Variants in ROR1 observed in about 807,000 individuals in gnomAD.
ROR1 encodes the protein ROR family WNT receptor 1.
In ROR1, 19 loss-of-function variants were observed where a neutral mutation model predicts 78.8. The observed-to-expected ratio is 0.24, with a 90% CI of 0.17 to 0.35. The LOEUF (loss-of-function observed/expected upper bound fraction) is 0.35. ROR1 is among the 10% of genes least tolerant of loss of function. The pLI, the probability that ROR1 is intolerant of heterozygous loss-of-function variation, is 1.00. For synonymous variants in ROR1, 386 were observed against 433.6 expected (o/e 0.89, Z 1.36); for missense variants, 917 against 1,177.8 (o/e 0.78, Z 3.24).
intron 1 of ROR1, among the ~76,000 whole-genome samples, chr1:63,889,836 A>G (rs1400394467): frequency 6.6e-6 from 1 of 152,136 alleles, no homozygotes; most frequent in Non-Finnish European, 1.5e-5. Flanking sequence ...TGAAGGGAAG[A>G]TTTTGTTTTT....
At chr1:63,866,044 G>A (rs1464619031) in intron 1 of ROR1, among the ~76,000 whole-genome samples, 1 of 152,142 alleles carries the variant, frequency 6.6e-6, no homozygotes, top group African/African-American at 2.4e-5. Flanking sequence ...CCTTGAATAA[G>A]GAGTAGAGAG....
chr1:63,789,914 A>C (rs902358354), intron 1 of ROR1, among the ~76,000 whole-genome samples: 1 of 152,030 alleles, frequency 6.6e-6, no homozygotes, highest in African/African-American at 2.4e-5. Flanking sequence ...AGGCCCTCCC[A>C]AGCTGTCTAC....
At chr1:63,779,822 C>A (rs993548343) in intron 1 of ROR1, among the ~76,000 whole-genome samples, 3 of 152,168 alleles carry the variant, frequency 2.0e-5, no homozygotes, top group Admixed American at 2.0e-4. Flanking sequence ...TGCCCCCAGC[C>A]ACACCCCCCA....
Position 63,989,277 on chromosome 1 carries a change from C to T in ROR1, c.92-20028C>T, listed in dbSNP as rs112574394. ...GGAATTTGAACAAATTATTTATTCT[C>T]TCTGAGCCTGAGGGGTTTTTTTGGA... On this transcript the variant is annotated intron_variant, in intron 1 of 8. Transcript: ENST00000371079. 7.6e-3 allele frequency among the ~76,000 whole-genome samples: 1,140 copies of T among 150,442 alleles called. 13 individuals carry two copies. Among genetic ancestry groups the T allele is most frequent in the African/African-American group, 0.026 (1,062 of 40,926 alleles).
At chr1:63,798,645 G>A (rs1315617071) in intron 1 of ROR1, among the ~76,000 whole-genome samples, 1 of 152,152 alleles carries the variant, frequency 6.6e-6, no homozygotes, top group Admixed American at 6.5e-5. Flanking sequence ...ATCACACATA[G>A]TACCCAGCAC....
chr1:63,820,683 A>C (rs1444990176), intron 1 of ROR1, among the ~76,000 whole-genome samples: 1 of 152,202 alleles, frequency 6.6e-6, no homozygotes, highest in Non-Finnish European at 1.5e-5. Context: ...TTGACAGTAA[A>C]ATTCAAAGGT....
At chr1:64,138,809 C>T (rs146975997) in intron 5 of ROR1, among the ~76,000 whole-genome samples, 1 of 152,120 alleles carries the variant, frequency 6.6e-6, no homozygotes, top group East Asian at 1.9e-4. Flanking sequence ...GTTAAACACC[C>T]ATTTCAACCT....
chr1:64,028,396 A>G (rs1217124867), intron 2 of ROR1, among the ~76,000 whole-genome samples: 3 of 152,158 alleles, frequency 2.0e-5, no homozygotes, highest in Non-Finnish European at 4.4e-5. Context: ...TGAGTTGGGT[A>G]TTACAGGATG....
chr1:63,876,686 G>A (rs866121331), intron 1 of ROR1, among the ~76,000 whole-genome samples: 21 of 146,738 alleles, frequency 1.4e-4, no homozygotes, highest in South Asian at 4.3e-4. Context: ...GTGTGTGCGC[G>A]TGTGTGTGTG....
At chr1:63,994,401 C>T (rs1364619552) in intron 1 of ROR1, among the ~76,000 whole-genome samples, 1 of 152,166 alleles carries the variant, frequency 6.6e-6, no homozygotes, top group Non-Finnish European at 1.5e-5. Flanking sequence ...CAATAACTCT[C>T]ACGTGCTTAG....
chr1:64,084,433 A>G (rs111231383), intron 4 of ROR1, among the ~76,000 whole-genome samples: 1,707 of 152,346 alleles, frequency 0.011, 18 homozygotes, highest in Middle Eastern at 0.02. Context: ...GTAAGCTCTT[A>G]AGTATTTTTC....
At chr1:64,059,847 T>G (rs1402043954) in intron 4 of ROR1, among the ~76,000 whole-genome samples, 1 of 152,216 alleles carries the variant, frequency 6.6e-6, no homozygotes, top group Admixed American at 6.5e-5. Flanking sequence ...AGTCATTAAC[T>G]GATCACTAGG....
At chr1:64,024,207 G>T (rs570306889) in intron 2 of ROR1, among the ~76,000 whole-genome samples, 1 of 152,152 alleles carries the variant, frequency 6.6e-6, no homozygotes, top group Non-Finnish European at 1.5e-5. Flanking sequence ...GGAGCTGGGC[G>T]CAGTGGCTCA....
intron 2 of ROR1, among the ~76,000 whole-genome samples, chr1:64,034,072 T>C (rs978043967): frequency 2.6e-5 from 4 of 152,188 alleles, no homozygotes; most frequent in Admixed American, 1.3e-4. Context: ...GGCTCATAGT[T>C]TACTTCTTGA....
chr1:64,178,676 G>A lies in ROR1; in HGVS notation c.2635G>A (p.Glu879Lys). The change falls in exon 9 of 9, where the codon GAA (glutamate) becomes AAA (lysine). Residue 879 changes from glutamate to lysine, a missense_variant. This residue lies in a region of ROR1 where 835 missense variants were observed against 1,069.8 expected (regional missense o/e 0.78). Coordinates refer to ENST00000371079, the MANE Select transcript of ROR1 (RefSeq NM_005012.4). This position sits in a 1 kb window ranked among gnomAD's most constrained non-coding sequence, Gnocchi z 4.3. Reference sequence around the variant, plus strand: ...CTTGCCCTCATCAGGATCCAATCAGGAAGCAAATATTCCTTTACTACCACA... The same window carrying A: ...CTTGCCCTCATCAGGATCCAATCAGAAAGCAAATATTCCTTTACTACCACA... ...TSLPSSGSNQ[E>K]ANIPLLPHMS... The A allele has an allele frequency of 6.2e-7, 1 of 1,614,126 alleles. No homozygotes were observed. Among genetic ancestry groups the A allele is most frequent in the Non-Finnish European group, 8.5e-7 (1 of 1,180,038 alleles).
chr1:63,943,382 C>T (rs1198935533), intron 1 of ROR1, among the ~76,000 whole-genome samples: 1 of 152,136 alleles, frequency 6.6e-6, no homozygotes, highest in Non-Finnish European at 1.5e-5. Flanking sequence ...TCAAATTACC[C>T]TTCCCAGGTT....
chr1:63,829,253 G>A (rs1330358264), intron 1 of ROR1, among the ~76,000 whole-genome samples: 1 of 152,214 alleles, frequency 6.6e-6, no homozygotes. Context: ...GCACATGAAA[G>A]CTCTTTTATG....
intron 1 of ROR1, among the ~76,000 whole-genome samples, chr1:63,999,531 A>G (rs1189794475): frequency 6.6e-6 from 1 of 151,834 alleles, no homozygotes; most frequent in African/African-American, 2.4e-5. Context: ...AGCATTTATC[A>G]TATTATACTT....
At chr1:64,087,177 C>T (rs1343166900) in intron 4 of ROR1, among the ~76,000 whole-genome samples, 1 of 152,192 alleles carries the variant, frequency 6.6e-6, no homozygotes, top group Non-Finnish European at 1.5e-5. Flanking sequence ...ATTCATGTGG[C>T]ATCTTGGCTC....
Sources: allele counts gnomAD v4.1 joint callset (sites outside exome capture counted in the v4.1 genomes callset), GRCh38; gene constraint gnomAD v4.1.1; regional missense constraint gnomAD v4.1.1; non-coding constraint Gnocchi (gnomAD v3.1); transcripts MANE v1.5; gene names NCBI Gene and HGNC (gene_info 2026-07-23, HGNC 2026-07-21).